The following STK32B variants were observed in gnomAD, a reference collection of about 807,000 sequenced individuals.
The protein encoded by STK32B is serine/threonine-protein kinase 32B.
Under a neutral mutation model 52.6 loss-of-function variants are expected in STK32B, and 43 were observed. The ratio of observed to expected loss-of-function variants is 0.82; its 90% CI spans 0.64 to 1.05. The LOEUF (loss-of-function observed/expected upper bound fraction) is 1.05, where lower values mean the gene tolerates loss of function less well. STK32B is among the 50% of genes least tolerant of loss of function. The pLI, the probability that STK32B is intolerant of heterozygous loss-of-function variation, is 0.00. For missense variants in STK32B, 621 were observed against 534.6 expected (o/e 1.16, Z -1.59); for synonymous variants, 238 against 204.3 (o/e 1.17, Z -1.41).
At chr4:5,120,241 A>G (rs1377817585) in intron 1 of STK32B, among the ~76,000 whole-genome samples, 1 of 152,154 alleles carries the variant, frequency 6.6e-6, no homozygotes, top group Non-Finnish European at 1.5e-5. Context: ...ATCCAGGATC[A>G]CCTGAATCAG....
intron 3 of STK32B, among the ~76,000 whole-genome samples, chr4:5,267,210 G>T (rs1163572668): frequency 6.6e-6 from 1 of 152,138 alleles, no homozygotes; most frequent in Admixed American, 6.5e-5. Context: ...GTGAGCAATG[G>T]GTATTCAATG....
intron 3 of STK32B, among the ~76,000 whole-genome samples, chr4:5,317,372 TTA>T (rs1491456993): frequency 7.1e-5 from 5 of 69,976 alleles, no homozygotes; most frequent in South Asian, 4.1e-4. Context: ...TGTATATGTA[TTA>T]TATATATTAC....
intron 1 of STK32B, among the ~76,000 whole-genome samples, chr4:5,067,836 A>G (rs1055508580): frequency 5.3e-5 from 8 of 152,134 alleles, no homozygotes; most frequent in African/African-American, 1.9e-4. Flanking sequence ...GCGAAGGGGA[A>G]GCACGCACAT....
chr4:5,142,149 G>A (rs996993616), intron 2 of STK32B, among the ~76,000 whole-genome samples: 3 of 152,198 alleles, frequency 2.0e-5, no homozygotes, highest in Non-Finnish European at 4.4e-5. Flanking sequence ...AACTATCCTT[G>A]TGCTTGCTGC....
intron 4 of STK32B, among the ~76,000 whole-genome samples, chr4:5,379,349 G>T (rs982770): frequency 2.0e-5 from 3 of 151,782 alleles, no homozygotes; most frequent in Non-Finnish European, 2.9e-5. Context: ...TGCTGACTGC[G>T]TGCTCCCCTC....
chr4:5,337,354 A>G (rs1054241321), intron 4 of STK32B, among the ~76,000 whole-genome samples: 3 of 152,112 alleles, frequency 2.0e-5, no homozygotes, highest in African/African-American at 7.2e-5. Context: ...GTGAGGGTAT[A>G]CATTTTCCCC....
chr4:5,240,884 A>G (rs753956970), intron 3 of STK32B, among the ~76,000 whole-genome samples: 72 of 152,228 alleles, frequency 4.7e-4, no homozygotes, highest in Non-Finnish European at 8.7e-4. Context: ...ATCTGAGCTC[A>G]CTAATCTTTT....
intron 1 of STK32B, among the ~76,000 whole-genome samples, chr4:5,091,168 T>G (rs138442524): frequency 3.3e-5 from 5 of 152,302 alleles, no homozygotes; most frequent in Non-Finnish European, 7.3e-5. Flanking sequence ...CTTGGGCAAG[T>G]GCTTCTTACT....
Position 5,500,613 on chromosome 4 carries a change from T to C in STK32B, c.*1530T>C, listed in dbSNP as rs1216169796. ...CCTTGGGGCTGTCCATGTCATCTCT[T>C]AGATTTCTTAAAAGACATTTTAATG... is the stretch of plus-strand genomic sequence containing the variant. On this transcript the variant is annotated 3_prime_UTR_variant, in exon 12 of 12. Transcript: ENST00000282908. The C allele has an allele frequency of 6.6e-6, 1 of 152,248 alleles. No homozygotes were observed. Among genetic ancestry groups the C allele is most frequent in the South Asian group, 2.1e-4 (1 of 4,830 alleles). 9.4% of individuals were successfully genotyped at this position (152,248 alleles called of 1,614,324 possible).
At chr4:5,190,564 G>A (rs1202083964) in intron 3 of STK32B, among the ~76,000 whole-genome samples, 1 of 152,170 alleles carries the variant, frequency 6.6e-6, no homozygotes, top group Non-Finnish European at 1.5e-5. Flanking sequence ...CTAAGTACTG[G>A]TGATGTATGC....
chr4:5,141,470 T>G (rs112765657), intron 2 of STK32B, among the ~76,000 whole-genome samples: 1,765 of 152,276 alleles, frequency 0.012, 35 homozygotes, highest in African/African-American at 0.039. Flanking sequence ...TTAGAGGACT[T>G]CTTCCATGTG....
At chr4:5,416,167 G>A (rs1371612329) in intron 5 of STK32B, among the ~76,000 whole-genome samples, 1 of 152,096 alleles carries the variant, frequency 6.6e-6, no homozygotes, top group Non-Finnish European at 1.5e-5. Context: ...GACCATTTGG[G>A]TGTTTCCTTC....
At chr4:5,161,055 G>A (rs1020351994) in intron 2 of STK32B, among the ~76,000 whole-genome samples, 2 of 152,166 alleles carry the variant, frequency 1.3e-5, no homozygotes, top group Non-Finnish European at 2.9e-5. Context: ...AAGGACTTTG[G>A]CCTTTACTCC....
chr4:5,448,050 ATGTT>A (rs1715630246), intron 7 of STK32B, among the ~76,000 whole-genome samples: 1 of 152,200 alleles, frequency 6.6e-6, no homozygotes, highest in Non-Finnish European at 1.5e-5. Flanking sequence ...TGTTGACTGA[ATGTT>A]TGTTGAATGA....
intron 4 of STK32B, among the ~76,000 whole-genome samples, chr4:5,367,434 C>T (rs1734947915): frequency 6.6e-6 from 1 of 152,136 alleles, no homozygotes; most frequent in African/African-American, 2.4e-5. Context: ...AGCCAACACT[C>T]TTTCGAGACT....
intron 3 of STK32B, among the ~76,000 whole-genome samples, chr4:5,314,249 C>G (rs970340637): frequency 6.6e-6 from 1 of 152,104 alleles, no homozygotes; most frequent in Admixed American, 6.5e-5. Context: ...TTGAACTACA[C>G]AAATATGCCC....
At chr4:5,020,038 C>T in the STK32B span, among the ~76,000 whole-genome samples, 31 of 152,132 alleles carry the variant, frequency 2.0e-4, no homozygotes, top group Non-Finnish European at 4.3e-4. Flanking sequence ...TCTCAGAAGC[C>T]GTGTGTGTCT....
chr4:5,096,078 T>A (rs1327665934), intron 1 of STK32B, among the ~76,000 whole-genome samples: 1 of 152,244 alleles, frequency 6.6e-6, no homozygotes, highest in African/African-American at 2.4e-5. Context: ...GAAATATTTT[T>A]CTACAATGAG....
intron 6 of STK32B, among the ~76,000 whole-genome samples, chr4:5,442,475 T>C (rs966669878): frequency 3.3e-5 from 5 of 150,770 alleles, no homozygotes; most frequent in African/African-American, 9.7e-5. Context: ...TCCTCCATCC[T>C]TTTATTTTGA....
Sources: gnomAD v4.1 joint callset for allele counts (sites outside exome capture counted in the v4.1 genomes callset) on GRCh38, gnomAD v4.1.1 for gene constraint, MANE v1.5 for transcripts, NCBI Gene and HGNC (gene_info 2026-07-23, HGNC 2026-07-21) for gene names.